Variants in GRB14 observed in about 807,000 individuals in gnomAD.
The protein encoded by GRB14 is growth factor receptor-bound protein 14.
GRB14 carries 38 observed loss-of-function variants against 69.1 expected under a neutral mutation model. The ratio of observed to expected loss-of-function variants is 0.55; its 90% CI spans 0.42 to 0.72. The LOEUF is 0.72. GRB14 is among the 30% of genes least tolerant of loss of function. GRB14 has a pLI of 0.00. For missense variants in GRB14, 666 were observed against 666.1 expected (o/e 1.00, Z 0.00); for synonymous variants, 247 against 241.3 (o/e 1.02, Z -0.22).
chr2:164,527,053 T>G lies in GRB14; in HGVS notation c.564A>C (p.Arg188Ser), dbSNP rs889574586. 6.3e-6 allele frequency: 10 copies of G among 1,598,702 alleles called. No homozygotes were observed. The highest frequency in any genetic ancestry group is 8.6e-6 in the Non-Finnish European group (10 of 1,168,266). The stretch of plus-strand genomic sequence containing the variant: ...AGAACTCATATTTGGCATAATTTTT[T>G]CTAAAGTATAGTTTGTTTTCTTCTT... ...GIEEENKLYF[R>S]KNYAKYEFFK... Residue 188 changes from arginine to serine, a missense_variant, in exon 4 of 14, where the codon AGA becomes AGC. By Grantham distance (110) the Arg-to-Ser change is moderately radical. Coordinates refer to ENST00000263915, the MANE Select transcript of GRB14 (RefSeq NM_004490.3).
intron 5 of GRB14, among the ~76,000 whole-genome samples, chr2:164,522,627 A>G (rs988038754): frequency 1.3e-5 from 2 of 152,164 alleles, no homozygotes; most frequent in African/African-American, 4.8e-5. Context: ...ATTGTGAAGC[A>G]GGAAGTTGAG....
intron 2 of GRB14, among the ~76,000 whole-genome samples, chr2:164,602,762 T>A (rs1375331084): frequency 6.6e-6 from 1 of 152,188 alleles, no homozygotes; most frequent in Non-Finnish European, 1.5e-5. Flanking sequence ...CAGAGATTCC[T>A]GGATTGTGGA....
intron 2 of GRB14, among the ~76,000 whole-genome samples, chr2:164,604,859 GGAGAA>G: frequency 6.6e-6 from 1 of 152,214 alleles, no homozygotes; most frequent in East Asian, 1.9e-4. Flanking sequence ...GGGCCGAGAC[GGAGAA>G]GAGAATGGAG....
intron 6 of GRB14, among the ~76,000 whole-genome samples, chr2:164,517,972 G>A (rs1379184236): frequency 1.3e-5 from 2 of 152,058 alleles, no homozygotes; most frequent in Non-Finnish European, 2.9e-5. Flanking sequence ...AAGACAGAAG[G>A]TCAACAAAGA....
intron 2 of GRB14, among the ~76,000 whole-genome samples, chr2:164,594,305 T>C (rs1374364098): frequency 6.6e-6 from 1 of 152,220 alleles, no homozygotes; most frequent in Non-Finnish European, 1.5e-5. Flanking sequence ...ATAAGACTTA[T>C]TTCTGGACTA....
intron 2 of GRB14, among the ~76,000 whole-genome samples, chr2:164,575,971 A>G (rs1008261732): frequency 1.3e-5 from 2 of 152,152 alleles, no homozygotes; most frequent in Non-Finnish European, 2.9e-5. Flanking sequence ...CAGTTGAATC[A>G]TAAGACAGAT....
intron 2 of GRB14, among the ~76,000 whole-genome samples, chr2:164,578,044 C>A (rs1304111126): frequency 3.9e-5 from 6 of 152,032 alleles, no homozygotes; most frequent in African/African-American, 1.4e-4. Context: ...ACTAGCCTGA[C>A]CAACATGGTG....
chr2:164,516,411 C>T (rs973079107), intron 6 of GRB14, among the ~76,000 whole-genome samples: 11 of 151,822 alleles, frequency 7.2e-5, no homozygotes, highest in African/African-American at 2.7e-4. Flanking sequence ...TCACTTGAAC[C>T]TGGGAGGCAG....
intron 2 of GRB14, among the ~76,000 whole-genome samples, chr2:164,586,604 C>T (rs982951328): frequency 2.6e-5 from 4 of 152,166 alleles, no homozygotes; most frequent in Non-Finnish European, 5.9e-5. Flanking sequence ...CCACAAAACA[C>T]AGGCTACAGT....
chr2:164,525,137 G>T, intron 4 of GRB14, 59 bp from the exon 5 acceptor site: 1 of 1,112,300 alleles, frequency 9.0e-7, no homozygotes, highest in South Asian at 1.3e-5. Context: ...ATTCAATTAT[G>T]ACCAATATAG....
intron 2 of GRB14, among the ~76,000 whole-genome samples, chr2:164,611,028 G>A (rs977620627): frequency 4.6e-5 from 7 of 151,838 alleles, no homozygotes; most frequent in Admixed American, 1.3e-4. Context: ...AAACAGCTAC[G>A]ATAAAGCCTT....
chr2:164,578,520 G>GCACA (rs1285949117), intron 2 of GRB14, among the ~76,000 whole-genome samples: 20 of 81,274 alleles, frequency 2.5e-4, no homozygotes, highest in Admixed American at 9.1e-4. Flanking sequence ...GACAATTCGC[G>GCACA]CGCACACACA....
At chr2:164,508,410 G>T in intron 8 of GRB14, 45 bp downstream of exon 8, 1 of 1,436,430 alleles carries the variant, frequency 7.0e-7, no homozygotes, top group Non-Finnish European at 9.8e-7. Context: ...AACTTTTATG[G>T]TACTCACAGC....
intron 2 of GRB14, among the ~76,000 whole-genome samples, chr2:164,570,275 TAAAAAAAA>T (rs35918859): frequency 3.5e-5 from 2 of 57,210 alleles, no homozygotes; most frequent in African/African-American, 6.7e-5. Flanking sequence ...AGACTCCATC[TAAAAAAAA>T]AAAAAAAAAA....
chr2:164,550,637 A>G (rs142831992), intron 2 of GRB14, among the ~76,000 whole-genome samples: 61 of 152,270 alleles, frequency 4.0e-4, no homozygotes, highest in African/African-American at 1.4e-3. Context: ...ACTACTTTAA[A>G]CATCTGAACT....
rs76663404 is a variant in GRB14, at chr2:164,573,203, G to C, written c.325-25387C>G. ...CACTCAACACAAATATAATCCTTAAGGTTAGGACTGAGTCTCTTAGTTTCT... is the reference window on the plus strand; with the variant it reads ...CACTCAACACAAATATAATCCTTAACGTTAGGACTGAGTCTCTTAGTTTCT... On this transcript the variant is annotated intron_variant, in intron 2 of 13. Coordinates refer to ENST00000263915, the MANE Select transcript of GRB14 (RefSeq NM_004490.3). Among the ~76,000 whole-genome samples, 241 of 152,250 alleles carry C rather than the reference G, an allele frequency of 1.6e-3. 7 individuals carry two copies. The East Asian group carries it at 0.038, about 24-fold the overall frequency.
intron 6 of GRB14, among the ~76,000 whole-genome samples, chr2:164,509,223 C>T (rs1409211635): frequency 6.6e-6 from 1 of 152,116 alleles, no homozygotes; most frequent in Admixed American, 6.6e-5. Context: ...AATGGTAGCT[C>T]AACAAAGGGG....
chr2:164,600,936 C>A (rs1373861120), intron 2 of GRB14, among the ~76,000 whole-genome samples: 2 of 151,936 alleles, frequency 1.3e-5, no homozygotes, highest in African/African-American at 2.4e-5. Context: ...CAGTCCATTG[C>A]CAAATCTCTA....
At chr2:164,580,386 C>G (rs916106192) in intron 2 of GRB14, among the ~76,000 whole-genome samples, 1 of 150,226 alleles carries the variant, frequency 6.7e-6, no homozygotes, top group South Asian at 2.2e-4. Flanking sequence ...AGCCACCATG[C>G]CCAGCCTTAT....
Sources: gnomAD v4.1 joint callset for allele counts (sites outside exome capture counted in the v4.1 genomes callset) on GRCh38, gnomAD v4.1.1 for gene constraint, MANE v1.5 for transcripts, NCBI Gene and HGNC (gene_info 2026-07-23, HGNC 2026-07-21) for gene names.